The following WWOX variants were observed in gnomAD, a reference collection of about 807,000 sequenced individuals.
The protein encoded by WWOX is WW domain-containing oxidoreductase.
Under a neutral mutation model 46.2 loss-of-function variants are expected in WWOX, and 69 were observed. That is an observed-to-expected ratio of 1.49 (90% CI 1.23 to 1.82). The LOEUF (loss-of-function observed/expected upper bound fraction) is 1.82. WWOX is among the 40% of genes most tolerant of loss of function. WWOX has a pLI of 0.00. For missense variants in WWOX, 919 were observed against 542.6 expected (o/e 1.69, Z -6.89); for synonymous variants, 359 against 202.6 (o/e 1.77, Z -6.56).
At chr16:79,113,258 T>C (rs1428775122) in intron 8 of WWOX, among the ~76,000 whole-genome samples, 2 of 152,080 alleles carry the variant, frequency 1.3e-5, no homozygotes, top group African/African-American at 4.8e-5. Context: ...CCAGGGTGCG[T>C]TAGGGAGCAG....
intron 8 of WWOX, among the ~76,000 whole-genome samples, chr16:78,790,315 A>G (rs142381547): frequency 6.6e-6 from 1 of 151,938 alleles, no homozygotes; most frequent in African/African-American, 2.4e-5. Flanking sequence ...CTGTATTTTC[A>G]GTAGAGATGG....
At chr16:79,088,254 G>A (rs1321069371) in intron 8 of WWOX, among the ~76,000 whole-genome samples, 2 of 152,178 alleles carry the variant, frequency 1.3e-5, no homozygotes, top group East Asian at 3.9e-4. Flanking sequence ...AGCACAGCCT[G>A]TGGATGGGAC....
intron 8 of WWOX, among the ~76,000 whole-genome samples, chr16:78,616,806 C>A (rs538752701): frequency 6.6e-6 from 1 of 152,008 alleles, no homozygotes; most frequent in Admixed American, 6.6e-5. Flanking sequence ...GGCACTAACC[C>A]TACTCAGGAA....
chr16:79,166,619 C>G (rs1474490033), intron 8 of WWOX, among the ~76,000 whole-genome samples: 3 of 152,278 alleles, frequency 2.0e-5, no homozygotes, highest in East Asian at 3.9e-4. Context: ...TGCTGGTTAA[C>G]TGCAATCCAA....
chr16:78,127,516 G>GA (rs35507203), intron 4 of WWOX, among the ~76,000 whole-genome samples: 42,640 of 122,136 alleles, frequency 0.35, 7,217 homozygotes, highest in African/African-American at 0.45. Context: ...ATAATCAACG[G>GA]AAAAAAAAAA....
At chr16:78,104,768 T>G (rs939364755) in intron 1 of WWOX, among the ~76,000 whole-genome samples, 1 of 152,130 alleles carries the variant, frequency 6.6e-6, no homozygotes, top group African/African-American at 2.4e-5. Context: ...TTTAATTAAT[T>G]TTTATATTTA....
At chr16:78,502,498 C>T (rs558952109) in intron 8 of WWOX, among the ~76,000 whole-genome samples, 8 of 152,158 alleles carry the variant, frequency 5.3e-5, no homozygotes, top group African/African-American at 9.7e-5. Flanking sequence ...TTTATCCCTG[C>T]GACAGCATCT....
chr16:79,111,060 C>G (rs1189599335), intron 8 of WWOX, among the ~76,000 whole-genome samples: 1 of 152,110 alleles, frequency 6.6e-6, no homozygotes, highest in East Asian at 1.9e-4. Context: ...TCATTTGTAC[C>G]CTTAACACCC....
chr16:79,072,326 A>G (rs76791925), intron 8 of WWOX, among the ~76,000 whole-genome samples: 2,005 of 152,216 alleles, frequency 0.013, 48 homozygotes, highest in African/African-American at 0.046. Context: ...TATCATATGC[A>G]TTCTCAACTC....
chr16:79,117,675 G>C (rs1261684891), intron 8 of WWOX, among the ~76,000 whole-genome samples: 1 of 152,196 alleles, frequency 6.6e-6, no homozygotes, highest in East Asian at 1.9e-4. Flanking sequence ...CACCTTAGTG[G>C]TCTTATCTAG....
At chr16:79,133,008 C>G (rs2049911774) in intron 8 of WWOX, among the ~76,000 whole-genome samples, 1 of 152,188 alleles carries the variant, frequency 6.6e-6, no homozygotes, top group African/African-American at 2.4e-5. Flanking sequence ...GGCAGGCACA[C>G]AGCTCTGTGA....
intron 8 of WWOX, among the ~76,000 whole-genome samples, chr16:78,530,531 C>T (rs2043596840): frequency 6.6e-6 from 1 of 152,170 alleles, no homozygotes; most frequent in African/African-American, 2.4e-5. Context: ...AGCTGCTTCT[C>T]CTCTTTTCTT....
intron 8 of WWOX, among the ~76,000 whole-genome samples, chr16:78,689,779 G>T (rs924437501): frequency 1.3e-5 from 2 of 152,108 alleles, no homozygotes; most frequent in African/African-American, 4.8e-5. Flanking sequence ...TATTGCAACA[G>T]CCTTGACCCC....
intron 8 of WWOX, among the ~76,000 whole-genome samples, chr16:78,724,865 G>C (rs1470517233): frequency 2.0e-5 from 3 of 152,152 alleles, no homozygotes. Context: ...AGTTCCTCAA[G>C]GGCAATTGTG....
At chr16:78,310,297 G>C (rs1314199730) in intron 5 of WWOX, among the ~76,000 whole-genome samples, 1 of 152,126 alleles carries the variant, frequency 6.6e-6, no homozygotes, top group African/African-American at 2.4e-5. Flanking sequence ...GTGCTTCTGG[G>C]CTTTGTCTCA....
At chr16:79,123,606 A>G (rs2049686448) in intron 8 of WWOX, among the ~76,000 whole-genome samples, 1 of 152,160 alleles carries the variant, frequency 6.6e-6, no homozygotes. Context: ...GCAGTAGTAG[A>G]GCCAGCAGTC....
In WWOX at chr16:79,212,001, G is replaced by A. The variant is rs534055627; in HGVS notation, c.*205G>A. The A allele has an allele frequency of 1.4e-5, 21 of 1,533,266 alleles. No individual in the cohort carries two copies. The South Asian group carries it at 2.1e-4, about 16-fold the overall frequency. 95.0% of individuals were successfully genotyped at this position (1,533,266 alleles called of 1,614,324 possible). A position where few individuals can be genotyped will look rare whatever the true frequency, so the allele number is the denominator to read the frequency against. On this transcript the variant is annotated 3_prime_UTR_variant, in exon 9 of 9. Transcript: ENST00000566780. ...GGTAAAGTATCACTTTTCTGGGGCT[G>A]GGCTAGGCATAGGTCTCTTTGCTTT...
At chr16:78,662,106 G>C (rs1395881794) in intron 8 of WWOX, among the ~76,000 whole-genome samples, 1 of 151,490 alleles carries the variant, frequency 6.6e-6, no homozygotes. Context: ...TAGTAGTAGT[G>C]AATGCCCTGA....
At chr16:78,567,251 GAAGT>G (rs2044592040) in intron 8 of WWOX, among the ~76,000 whole-genome samples, 1 of 152,152 alleles carries the variant, frequency 6.6e-6, no homozygotes, top group Non-Finnish European at 1.5e-5. Context: ...CCACTGCCAA[GAAGT>G]AAGGTTTTGG....
Sources: allele counts gnomAD v4.1 joint callset (sites outside exome capture counted in the v4.1 genomes callset), GRCh38; gene constraint gnomAD v4.1.1; transcripts MANE v1.5; gene names NCBI Gene and HGNC (gene_info 2026-07-23, HGNC 2026-07-21).